The following AGPAT3 variants were observed in gnomAD, a reference collection of about 807,000 sequenced individuals.
The protein encoded by AGPAT3 is 1-acyl-sn-glycerol-3-phosphate acyltransferase gamma.
Under a neutral mutation model 47.3 loss-of-function variants are expected in AGPAT3, and 5 were observed. The observed-to-expected ratio is 0.11, with a 90% CI of 0.06 to 0.22. AGPAT3 has a LOEUF of 0.22. Ranked by LOEUF, AGPAT3 falls within the 10% of genes least tolerant of loss-of-function variation. The probability of loss-of-function intolerance (pLI) is 1.00; values close to 1 mark genes in which losing one functional copy is unlikely to be tolerated. For missense variants in AGPAT3, 315 were observed against 493.0 expected (o/e 0.64, Z 3.42); for synonymous variants, 212 against 208.3 (o/e 1.02, Z -0.15).
intron 1 of AGPAT3, among the ~76,000 whole-genome samples, chr21:43,889,848 G>A (rs1427578865): frequency 6.6e-6 from 1 of 152,156 alleles, no homozygotes; most frequent in Non-Finnish European, 1.5e-5. Flanking sequence ...GCTAGTAGAC[G>A]GGTCTGCTTC....
intron 2 of AGPAT3, among the ~76,000 whole-genome samples, chr21:43,938,076 T>G (rs2087508893): frequency 6.9e-6 from 1 of 145,044 alleles, no homozygotes; most frequent in African/African-American, 2.6e-5. Context: ...TTCTCCTCTC[T>G]CCCCCACTTT....
intron 2 of AGPAT3, among the ~76,000 whole-genome samples, chr21:43,956,603 G>C (rs1008683489): frequency 2.6e-5 from 4 of 152,316 alleles, no homozygotes; most frequent in Middle Eastern, 3.4e-3. Context: ...CCCACAGTGT[G>C]GGGGCATCAA....
intron 1 of AGPAT3, among the ~76,000 whole-genome samples, chr21:43,875,377 A>G (rs2085711912): frequency 6.6e-6 from 1 of 152,194 alleles, no homozygotes; most frequent in African/African-American, 2.4e-5. Context: ...CCACCCAAAT[A>G]TCTTTGATCC....
At chr21:43,978,394 C>T (rs2089704520) in intron 8 of AGPAT3, among the ~76,000 whole-genome samples, 1 of 152,230 alleles carries the variant, frequency 6.6e-6, no homozygotes, top group Non-Finnish European at 1.5e-5. Flanking sequence ...CCTTGACCTC[C>T]TGGGCTCAAG....
chr21:43,956,178 C>T (rs2088454359), intron 2 of AGPAT3, among the ~76,000 whole-genome samples: 1 of 152,114 alleles, frequency 6.6e-6, no homozygotes, highest in East Asian at 1.9e-4. Context: ...AGGATCTGGT[C>T]GAATATATCG....
chr21:43,905,310 C>G (rs915930138), intron 2 of AGPAT3, among the ~76,000 whole-genome samples: 2 of 151,924 alleles, frequency 1.3e-5, no homozygotes, highest in African/African-American at 4.8e-5. Context: ...CTGCCTCAGC[C>G]CCCTGAGTAG....
At chr21:43,884,694 T>C (rs1461459453) in intron 1 of AGPAT3, among the ~76,000 whole-genome samples, 1 of 149,932 alleles carries the variant, frequency 6.7e-6, no homozygotes, top group African/African-American at 2.5e-5. Flanking sequence ...GGCCTGGTGC[T>C]GGGTGGCCTG....
intron 2 of AGPAT3, among the ~76,000 whole-genome samples, chr21:43,956,967 C>A (rs1425637958): frequency 6.6e-6 from 1 of 152,216 alleles, no homozygotes; most frequent in African/African-American, 2.4e-5. Context: ...GGGAAGAAGA[C>A]CCCTCCACCT....
At chr21:43,956,106 T>C (rs972194492) in intron 2 of AGPAT3, among the ~76,000 whole-genome samples, 1 of 152,150 alleles carries the variant, frequency 6.6e-6, no homozygotes, top group African/African-American at 2.4e-5. Flanking sequence ...CCTGGGGCTC[T>C]GCTGTGTGCC....
intron 1 of AGPAT3, among the ~76,000 whole-genome samples, chr21:43,884,536 C>T (rs1412086134): frequency 3.9e-5 from 6 of 152,348 alleles, no homozygotes; most frequent in African/African-American, 1.4e-4. Flanking sequence ...CAGCCTCCTG[C>T]TCCTTCAGAG....
intron 1 of AGPAT3, among the ~76,000 whole-genome samples, chr21:43,875,421 A>G (rs538258956): frequency 6.6e-6 from 1 of 152,306 alleles, no homozygotes; most frequent in East Asian, 1.9e-4. Context: ...TGGAACCCCT[A>G]GATATGGAGG....
In AGPAT3 at chr21:43,987,209, C is replaced by T. The variant is rs1280772905; in HGVS notation, c.*4817C>T. On this transcript the variant is annotated 3_prime_UTR_variant, in exon 10 of 10. Coordinates refer to ENST00000291572, the MANE Select transcript of AGPAT3 (RefSeq NM_020132.5). ...GTCTCCAAGGGGAAACCAGGGCCAC[C>T]AGGCACTCCTGTCCCATGGGGCCAC... is the stretch of plus-strand genomic sequence containing the variant. Among the ~76,000 whole-genome samples, 3 of 152,246 alleles carry T rather than the reference C, an allele frequency of 2.0e-5. No homozygotes were observed. Among genetic ancestry groups the T allele is most frequent in the Non-Finnish European group, 4.4e-5 (3 of 68,050 alleles).
intron 1 of AGPAT3, among the ~76,000 whole-genome samples, chr21:43,866,906 CG>C (rs1381209079): frequency 6.6e-6 from 1 of 152,176 alleles, no homozygotes; most frequent in African/African-American, 2.4e-5. Flanking sequence ...GCAGTGTGGC[CG>C]GGTGGGAAAG....
At chr21:43,929,220 G>A (rs2087157781) in intron 2 of AGPAT3, among the ~76,000 whole-genome samples, 1 of 152,252 alleles carries the variant, frequency 6.6e-6, no homozygotes, top group Non-Finnish European at 1.5e-5. Context: ...CAGCCGTGTG[G>A]CGGCAGCAAC....
At position 43,866,120 on chromosome 21, in the gene AGPAT3, G is replaced by GTTTT. The variant is rs751185123; in HGVS notation, c.-112+789_-112+792dup. 5.2e-4 allele frequency among the ~76,000 whole-genome samples: 69 copies of GTTTT among 132,374 alleles called. 1 individual carries two copies. The highest frequency in any genetic ancestry group is 1.3e-3 in the African/African-American group (45 of 35,950). The allele number at this position is 132,374 out of a possible 152,430, so 86.8% of individuals were successfully genotyped here. A position where few individuals can be genotyped will look rare whatever the true frequency, so the allele number is the denominator to read the frequency against. On this transcript the variant is annotated intron_variant, in intron 1 of 9. Transcript: ENST00000291572. ...TGAAGGCAGTTAAAAATGGTGCAGT[G>GTTTT]TTTTTTTTTTTTTTTTTAACTTTGA...
chr21:43,902,975 TG>T (rs1289348936), intron 1 of AGPAT3, among the ~76,000 whole-genome samples: 1 of 152,138 alleles, frequency 6.6e-6, no homozygotes, highest in South Asian at 2.1e-4. Flanking sequence ...GACTCCAGCC[TG>T]GGTAACAGAG....
chr21:43,969,908 A>G lies in AGPAT3; in HGVS notation c.510+629A>G, dbSNP rs146899536. Among the ~76,000 whole-genome samples, 1,250 of 152,230 alleles carry G rather than the reference A, an allele frequency of 8.2e-3. 21 individuals are homozygous for G. Among genetic ancestry groups the G allele is most frequent in the African/African-American group, 0.028 (1,175 of 41,496 alleles). On this transcript the variant is annotated intron_variant, in intron 5 of 9. Coordinates refer to ENST00000291572, the MANE Select transcript of AGPAT3 (RefSeq NM_020132.5). ...GAGATGGGGTTTCACCATGTTGGCC[A>G]GGCTGGTCTCAAACTCCTGACCTCA...
chr21:43,958,378 TGG>T (rs1569090867), intron 2 of AGPAT3, among the ~76,000 whole-genome samples: 1 of 151,148 alleles, frequency 6.6e-6, no homozygotes, highest in African/African-American at 2.4e-5. Context: ...GTGTAGAGTA[TGG>T]GGCTGTGTGC....
intron 1 of AGPAT3, among the ~76,000 whole-genome samples, chr21:43,877,492 G>A (rs1226312691): frequency 6.6e-6 from 1 of 152,004 alleles, no homozygotes; most frequent in African/African-American, 2.4e-5. Context: ...GCCCAGTCTG[G>A]AGTACAATGG....
Sources: allele counts gnomAD v4.1 joint callset (sites outside exome capture counted in the v4.1 genomes callset), GRCh38; gene constraint gnomAD v4.1.1; transcripts MANE v1.5; gene names NCBI Gene and HGNC (gene_info 2026-07-23, HGNC 2026-07-21).